DDAH1: variants seen among roughly 807,000 people sequenced by gnomAD.
The protein encoded by DDAH1 is N(G),N(G)-dimethylarginine dimethylaminohydrolase 1.
In DDAH1, 19 loss-of-function variants were observed where a neutral mutation model predicts 28.8. That is an observed-to-expected ratio of 0.66 (90% CI 0.46 to 0.97). The LOEUF is 0.97. Ranked by LOEUF, DDAH1 falls within the 50% of genes least tolerant of loss-of-function variation. DDAH1 has a pLI of 0.00. For missense variants in DDAH1, 326 were observed against 375.9 expected, an observed-to-expected ratio of 0.87 and a Z score of 1.10; for synonymous variants, 153 against 154.4, an observed-to-expected ratio of 0.99 and a Z score of 0.07.
intron 1 of DDAH1, among the ~76,000 whole-genome samples, chr1:85,370,493 G>A (rs1262354299): frequency 6.6e-6 from 1 of 152,210 alleles, no homozygotes; most frequent in African/African-American, 2.4e-5. Flanking sequence ...TGCAGGAAGG[G>A]AGTGATATAA....
intron 1 of DDAH1, among the ~76,000 whole-genome samples, chr1:85,547,789 G>C (rs1225209730): frequency 6.6e-6 from 1 of 152,144 alleles, no homozygotes; most frequent in Non-Finnish European, 1.5e-5. Flanking sequence ...TGGCCATCCA[G>C]GTCTGCAGAA....
At chr1:85,556,441 G>A (rs780413161) in intron 1 of DDAH1, among the ~76,000 whole-genome samples, 4 of 152,170 alleles carry the variant, frequency 2.6e-5, no homozygotes, top group Non-Finnish European at 5.9e-5. Flanking sequence ...TGAGAAAGCG[G>A]CTGTACGAAG....
intron 1 of DDAH1, among the ~76,000 whole-genome samples, chr1:85,412,743 G>A (rs1309306042): frequency 6.6e-6 from 1 of 152,192 alleles, no homozygotes; most frequent in Non-Finnish European, 1.5e-5. Flanking sequence ...GCCTGCACCT[G>A]TAATCCCAGC....
chr1:85,540,993 A>C (rs1658457111), intron 1 of DDAH1, among the ~76,000 whole-genome samples: 2 of 150,466 alleles, frequency 1.3e-5, no homozygotes, highest in Admixed American at 1.3e-4. Context: ...ATGTATATCT[A>C]TATCTATATC....
intron 4 of DDAH1, among the ~76,000 whole-genome samples, chr1:85,343,225 T>C (rs1001098304): frequency 6.6e-6 from 1 of 152,228 alleles, no homozygotes; most frequent in African/African-American, 2.4e-5. Context: ...CCCTTTCTCC[T>C]ACTTGGCCAA....
intron 1 of DDAH1, among the ~76,000 whole-genome samples, chr1:85,543,601 A>G (rs1426050186): frequency 6.6e-6 from 1 of 152,194 alleles, no homozygotes; most frequent in Non-Finnish European, 1.5e-5. Flanking sequence ...AAACACAAGC[A>G]CTTAAATTGG....
chr1:85,572,689 AG>A (rs1260915879), intron 1 of DDAH1, among the ~76,000 whole-genome samples: 4 of 152,248 alleles, frequency 2.6e-5, no homozygotes, highest in Non-Finnish European at 5.9e-5. Context: ...ACTAACGCTC[AG>A]GCATGGCATT....
intron 1 of DDAH1, among the ~76,000 whole-genome samples, chr1:85,560,476 G>A (rs79594399): frequency 0.072 from 10,921 of 152,050 alleles, 462 homozygotes; most frequent in East Asian, 0.15. Flanking sequence ...GAAGTATGGC[G>A]TTTGTAACAT....
intron 1 of DDAH1, among the ~76,000 whole-genome samples, chr1:85,501,972 T>C (rs896925615): frequency 6.6e-6 from 1 of 152,246 alleles, no homozygotes; most frequent in Non-Finnish European, 1.5e-5. Context: ...TCCTCCTCTT[T>C]ATCCTTTAAC....
chr1:85,445,316 C>A (rs1654385020), intron 1 of DDAH1, among the ~76,000 whole-genome samples: 1 of 152,028 alleles, frequency 6.6e-6, no homozygotes, highest in Admixed American at 6.6e-5. Context: ...GGAGGGGCAT[C>A]TGAACTAGGT....
chr1:85,337,862 C>T (rs1448309952), intron 4 of DDAH1, among the ~76,000 whole-genome samples: 1 of 152,244 alleles, frequency 6.6e-6, no homozygotes, highest in Non-Finnish European at 1.5e-5. Flanking sequence ...GACACACTCA[C>T]TCAGAGCCTG....
chr1:85,334,988 A>C (rs1648017446), intron 4 of DDAH1, among the ~76,000 whole-genome samples: 1 of 152,180 alleles, frequency 6.6e-6, no homozygotes, highest in Admixed American at 6.5e-5. Flanking sequence ...ACAACCAAAA[A>C]CTGAGGGAAT....
intron 1 of DDAH1, among the ~76,000 whole-genome samples, chr1:85,403,523 T>C (rs1652256011): frequency 6.6e-6 from 1 of 152,148 alleles, no homozygotes; most frequent in Admixed American, 6.5e-5. Flanking sequence ...GCACTTTACT[T>C]TAAAAATAGT....
At position 85,356,914 on chromosome 1, in the gene DDAH1, A is replaced by G. The variant is rs1649517384; in HGVS notation, c.403+1834T>C. ...CTTTCTGGCTCAGCTGCTAAAATAA[A>G]TGGTTGTGAACATAGCTTGGTTAAG... On this transcript the variant is annotated intron_variant, in intron 2 of 5. Transcript: ENST00000284031. Among the ~76,000 whole-genome samples the G allele has an allele frequency of 2.0e-5, 3 of 152,332 alleles. No homozygotes were observed. The South Asian group carries it at 6.2e-4, about 32-fold the overall frequency.
At chr1:85,392,636 T>C (rs1651607771) in intron 1 of DDAH1, among the ~76,000 whole-genome samples, 1 of 151,216 alleles carries the variant, frequency 6.6e-6, no homozygotes, top group African/African-American at 2.4e-5. Context: ...GTACTAAAAA[T>C]ACAAAAATTA....
intron 1 of DDAH1, among the ~76,000 whole-genome samples, chr1:85,453,147 A>C (rs1432559750): frequency 6.6e-6 from 1 of 152,192 alleles, no homozygotes; most frequent in Non-Finnish European, 1.5e-5. Context: ...AACAAGCTAT[A>C]TCTTGTGTGT....
intron 1 of DDAH1, among the ~76,000 whole-genome samples, chr1:85,403,635 G>C (rs1652263086): frequency 6.6e-6 from 1 of 152,134 alleles, no homozygotes; most frequent in African/African-American, 2.4e-5. Context: ...CTTAAGGCTG[G>C]CTGTGGTTCA....
chr1:85,573,319 G>C (rs1659511901), intron 1 of DDAH1, among the ~76,000 whole-genome samples: 2 of 152,206 alleles, frequency 1.3e-5, no homozygotes, highest in Admixed American at 1.3e-4. Context: ...TTAGTGGTTG[G>C]TTAAGAGACA....
chr1:85,518,539 C>T (rs564324890), intron 1 of DDAH1, among the ~76,000 whole-genome samples: 31 of 152,068 alleles, frequency 2.0e-4, no homozygotes, highest in South Asian at 4.1e-4. Flanking sequence ...TCAAAAACAG[C>T]GACAGGGTGG....
Sources: allele counts gnomAD v4.1 joint callset (sites outside exome capture counted in the v4.1 genomes callset), GRCh38; gene constraint gnomAD v4.1.1; transcripts MANE v1.5; gene names NCBI Gene and HGNC (gene_info 2026-07-23, HGNC 2026-07-21).